Variants in TACR3 observed in about 807,000 individuals in gnomAD.
The protein encoded by TACR3 is neuromedin-K receptor.
In TACR3, 34 loss-of-function variants were observed where a neutral mutation model predicts 35.0. The ratio of observed to expected loss-of-function variants is 0.97; its 90% confidence interval spans 0.74 to 1.30. TACR3 has a LOEUF of 1.30. Ranked by LOEUF, TACR3 falls within the 50% of genes most tolerant of loss-of-function variation. The pLI is 0.00. For synonymous variants in TACR3, 233 were observed against 221.1 expected, an observed-to-expected ratio of 1.05 and a Z score of -0.48; for missense variants, 558 against 591.7, an observed-to-expected ratio of 0.94 and a Z score of 0.59.
At chr4:103,710,734 T>C (rs557543999) in intron 1 of TACR3, among the ~76,000 whole-genome samples, 1 of 152,166 alleles carries the variant, frequency 6.6e-6, no homozygotes, top group East Asian at 1.9e-4. Flanking sequence ...ACAAAATTGA[T>C]AGACTGCTAG....
rs1724337773 is a variant in TACR3 at position 103,605,645 on chromosome 4, C to T, written c.889-13962G>A. Reference sequence around the variant, plus strand: ...TGTCTTCTTTTGAGAAGTGTCTGTTCATGTCCTTCACCCACTTTTCGATGG... The same window carrying T: ...TGTCTTCTTTTGAGAAGTGTCTGTTTATGTCCTTCACCCACTTTTCGATGG... On this transcript the variant is annotated intron_variant, in intron 3 of 4. Coordinates refer to ENST00000304883, the MANE Select transcript of TACR3 (RefSeq NM_001059.3). Among the ~76,000 whole-genome samples, 2 of 152,056 alleles carry T rather than the reference C, an allele frequency of 1.3e-5. 1 individual carries two copies. The highest frequency in any genetic ancestry group is 4.1e-4 in the South Asian group (2 of 4,826).
intron 3 of TACR3, among the ~76,000 whole-genome samples, chr4:103,600,187 G>T (rs184452427): frequency 2.0e-5 from 3 of 152,062 alleles, no homozygotes; most frequent in African/African-American, 7.2e-5. Context: ...GTCTTGGGAG[G>T]GTGTATGTGT....
intron 3 of TACR3, among the ~76,000 whole-genome samples, chr4:103,639,374 AG>A (rs921726793): frequency 3.3e-5 from 5 of 151,954 alleles, no homozygotes; most frequent in Non-Finnish European, 7.4e-5. Flanking sequence ...TCTCACTCAT[AG>A]GTGGGAGTTG....
chr4:103,699,179 T>C (rs1722592699), intron 1 of TACR3, among the ~76,000 whole-genome samples: 1 of 152,056 alleles, frequency 6.6e-6, no homozygotes, highest in Admixed American at 6.6e-5. Context: ...TTTTAGGAGG[T>C]GATACATGTA....
intron 3 of TACR3, among the ~76,000 whole-genome samples, chr4:103,603,599 A>T (rs909244286): frequency 6.6e-6 from 1 of 152,118 alleles, no homozygotes; most frequent in Non-Finnish European, 1.5e-5. Flanking sequence ...TGGTTCCAAG[A>T]CTTTGCTATT....
At chr4:103,624,055 T>A (rs1477141395) in intron 3 of TACR3, among the ~76,000 whole-genome samples, 1 of 152,174 alleles carries the variant, frequency 6.6e-6, no homozygotes, top group East Asian at 1.9e-4. Context: ...AGAGAATTAT[T>A]TCATACTTGA....
intron 2 of TACR3, among the ~76,000 whole-genome samples, chr4:103,656,919 T>A (rs759301965): frequency 6.6e-6 from 1 of 151,590 alleles, no homozygotes; most frequent in Non-Finnish European, 1.5e-5. Context: ...CCAGTCTGGG[T>A]CCATTTGATT....
intron 1 of TACR3, among the ~76,000 whole-genome samples, chr4:103,680,514 T>TATATATATATACACATATATATAC (rs1553911013): frequency 6.8e-6 from 1 of 147,512 alleles, no homozygotes; most frequent in Non-Finnish European, 1.5e-5. Flanking sequence ...CACACACACA[T>TATATATATATACACATATATATAC]ATATATATAC....
At chr4:103,592,693 C>T (rs1723920808) in intron 3 of TACR3, among the ~76,000 whole-genome samples, 1 of 152,104 alleles carries the variant, frequency 6.6e-6, no homozygotes, top group Non-Finnish European at 1.5e-5. Flanking sequence ...CAGATTAAAA[C>T]AAATCAGGGA....
intron 3 of TACR3, among the ~76,000 whole-genome samples, chr4:103,598,336 T>C (rs540858082): frequency 6.6e-6 from 1 of 152,092 alleles, no homozygotes; most frequent in Non-Finnish European, 1.5e-5. Flanking sequence ...TGAGTTCATT[T>C]TAGATTCTGG....
chr4:103,591,356 C>T (rs1451890974), intron 4 of TACR3, 131 bp downstream of exon 4: 2 of 1,026,948 alleles, frequency 1.9e-6, no homozygotes, highest in Non-Finnish European at 3.0e-6. Context: ...GCCTGTGCCT[C>T]TCTCAGTGAA....
intron 1 of TACR3, among the ~76,000 whole-genome samples, chr4:103,706,422 C>T (rs1722791455): frequency 6.6e-6 from 1 of 151,976 alleles, no homozygotes; most frequent in South Asian, 2.1e-4. Context: ...TAAAGTATAT[C>T]TAAGATCTAT....
Position 103,625,467 on chromosome 4 carries a change from C to A in TACR3, c.888+30727G>T, listed in dbSNP as rs542505208. On this transcript the variant is annotated intron_variant, in intron 3 of 4. Coordinates refer to ENST00000304883, the MANE Select transcript of TACR3 (RefSeq NM_001059.3). ...GCAAGGGAAAGTGGAAAAAAAACTG[C>A]CAAGTAGGGATGAACAAAAGGAGTA... 1.2e-4 allele frequency among the ~76,000 whole-genome samples: 18 copies of A among 151,764 alleles called. No individual in the cohort carries two copies. The South Asian group carries it at 2.7e-3, about 23-fold the overall frequency.
At chr4:103,598,705 T>G (rs1459894208) in intron 3 of TACR3, among the ~76,000 whole-genome samples, 2 of 152,222 alleles carry the variant, frequency 1.3e-5, no homozygotes, top group African/African-American at 4.8e-5. Context: ...ATTGATTAAA[T>G]AGGGAATCCT....
rs113522611 is a variant in TACR3, at chr4:103,689,294, A to T, written c.548+29834T>A. Among the ~76,000 whole-genome samples, 615 of 151,302 alleles carry T rather than the reference A, an allele frequency of 4.1e-3. 4 individuals are homozygous for T. The highest frequency in any genetic ancestry group is 0.014 in the African/African-American group (568 of 41,212). ...CGGGATAGCATTGGGAGATATACCT[A>T]ATGCTAGATGACGAGTTAGTGGGTG... On this transcript the variant is annotated intron_variant, in intron 1 of 4. Coordinates refer to ENST00000304883, the MANE Select transcript of TACR3 (RefSeq NM_001059.3).
intron 3 of TACR3, among the ~76,000 whole-genome samples, chr4:103,616,061 G>A (rs561105526): frequency 5.2e-4 from 79 of 152,282 alleles, no homozygotes; most frequent in African/African-American, 1.8e-3. Flanking sequence ...AAAATTCAAT[G>A]TTATGGATTC....
intron 1 of TACR3, among the ~76,000 whole-genome samples, chr4:103,660,343 A>T (rs1578247268): frequency 6.6e-6 from 1 of 152,060 alleles, no homozygotes; most frequent in Non-Finnish European, 1.5e-5. Flanking sequence ...GTAGTATCTA[A>T]AAGAGTGAAA....
At chr4:103,606,311 CT>C (rs1325595779) in intron 3 of TACR3, among the ~76,000 whole-genome samples, 6 of 152,168 alleles carry the variant, frequency 3.9e-5, no homozygotes, top group Non-Finnish European at 8.8e-5. Flanking sequence ...GATGCGGGCT[CT>C]TTTTTGGTTC....
chr4:103,632,731 A>G (rs1725096313), intron 3 of TACR3, among the ~76,000 whole-genome samples: 1 of 152,112 alleles, frequency 6.6e-6, no homozygotes, highest in Non-Finnish European at 1.5e-5. Context: ...AAGCTTATGA[A>G]GAAAGAATAA....
Sources: allele counts gnomAD v4.1 joint callset (sites outside exome capture counted in the v4.1 genomes callset), GRCh38; gene constraint gnomAD v4.1.1; transcripts MANE v1.5; gene names NCBI Gene and HGNC (gene_info 2026-07-23, HGNC 2026-07-21).